CDK5RAP2: variants seen among roughly 807,000 people sequenced by gnomAD.
CDK5RAP2 encodes CDK5 regulatory subunit associated protein 2.
CDK5RAP2 carries 147 observed loss-of-function variants against 232.9 expected under a neutral mutation model. The ratio of observed to expected loss-of-function variants is 0.63; its 90% CI spans 0.55 to 0.72. CDK5RAP2 has a LOEUF of 0.72. Ranked by LOEUF, CDK5RAP2 falls within the 30% of genes least tolerant of loss-of-function variation. CDK5RAP2 has a pLI of 0.00. For synonymous variants in CDK5RAP2, 833 were observed against 833.7 expected (o/e 1.00, Z 0.01); for missense variants, 2,195 against 2,231.5 (o/e 0.98, Z 0.33).
chr9:120,444,400 C>T (rs1259892424), intron 22 of CDK5RAP2, among the ~76,000 whole-genome samples: 1 of 152,250 alleles, frequency 6.6e-6, no homozygotes, highest in Non-Finnish European at 1.5e-5. Context: ...TAACTGCCAC[C>T]TCCCCAAGCC....
chr9:120,499,168 G>T (rs1465614272), intron 12 of CDK5RAP2, among the ~76,000 whole-genome samples: 1 of 152,136 alleles, frequency 6.6e-6, no homozygotes, highest in Non-Finnish European at 1.5e-5. Context: ...ATGTGAAAAT[G>T]GTACTTTTTA....
chr9:120,482,193 T>G (rs566020918), intron 14 of CDK5RAP2, among the ~76,000 whole-genome samples: 12 of 152,324 alleles, frequency 7.9e-5, no homozygotes, highest in Non-Finnish European at 1.6e-4. Flanking sequence ...TATGGATTTC[T>G]GATGGATGGC....
At chr9:120,409,004 G>T in intron 30 of CDK5RAP2, 123 bp downstream of exon 30, 1 of 875,426 alleles carries the variant, frequency 1.1e-6, no homozygotes, top group Non-Finnish European at 1.9e-6. Context: ...CGTACAATGT[G>T]TTTGTGTCTA....
chr9:120,570,448 G>A (rs2042811872), intron 2 of CDK5RAP2, among the ~76,000 whole-genome samples: 1 of 152,192 alleles, frequency 6.6e-6, no homozygotes, highest in South Asian at 2.1e-4. Context: ...ATAAGGGTTT[G>A]TCTGTCTTCT....
intron 26 of CDK5RAP2, 36 bp from the exon 27 acceptor site, chr9:120,419,996 A>G: frequency 1.3e-6 from 2 of 1,559,902 alleles, no homozygotes; most frequent in South Asian, 1.1e-5. Context: ...ATCATCTCCC[A>G]TGCTAAAATC....
intron 4 of CDK5RAP2, 75 bp from the exon 5 acceptor site, chr9:120,545,865 G>A: frequency 8.6e-7 from 1 of 1,161,208 alleles, no homozygotes; most frequent in Non-Finnish European, 1.3e-6. Flanking sequence ...TGGGGAAACT[G>A]CTTCCAGCAC....
intron 3 of CDK5RAP2, among the ~76,000 whole-genome samples, chr9:120,557,881 TCAGCCTCCCGAG>T (rs1483211734): frequency 6.7e-6 from 1 of 149,350 alleles, no homozygotes; most frequent in African/African-American, 2.4e-5. Flanking sequence ...TCTCCCTGCT[TCAGCCTCCCGAG>T]CAGCTGGGAT....
rs764669378 is a variant in CDK5RAP2 at position 120,409,114 on chromosome 9, G to A, written c.4604+13C>T. The A allele has an allele frequency of 3.1e-6, 5 of 1,609,998 alleles. No homozygotes were observed. Among genetic ancestry groups the A allele is most frequent in the African/African-American group, 1.3e-5 (1 of 74,884 alleles). ...GTACGGCCAGCAGGCCACCAGGGAAGCACAGCCACTACCTGCTCAGCTCCT... is the reference window on the plus strand; with the variant it reads ...GTACGGCCAGCAGGCCACCAGGGAAACACAGCCACTACCTGCTCAGCTCCT... On this transcript the variant is annotated intron_variant, in intron 30 of 37. Transcript: ENST00000349780.
At chr9:120,409,424 G>A (rs777832770) in intron 29 of CDK5RAP2, 108 bp from the exon 30 acceptor site, 18 of 860,062 alleles carry the variant, frequency 2.1e-5, no homozygotes, top group Admixed American at 2.0e-4. Context: ...GATTCGATCT[G>A]GCATTTATGA....
intron 35 of CDK5RAP2, 110 bp downstream of exon 35, chr9:120,400,632 T>G: frequency 7.3e-7 from 1 of 1,367,026 alleles, no homozygotes; most frequent in Non-Finnish European, 1.0e-6. Flanking sequence ...CCCTAATACA[T>G]ACCCCAAATG....
Position 120,409,280 on chromosome 9 carries a change from A to G in CDK5RAP2, c.4451T>C (p.Leu1484Pro). Residue 1484 changes from leucine to proline, a missense_variant, in exon 30 of 38, where the codon CTC becomes CCC. Physicochemically the swap from Leu to Pro is moderately conservative, Grantham distance 98. Coordinates refer to ENST00000349780, the MANE Select transcript of CDK5RAP2 (RefSeq NM_018249.6). ...QKENDKLRES[L>P]SRKTVSLEHL... is the part of the protein sequence containing the mutation. Reference sequence around the variant, plus strand: ...CTCCAGGCTCACGGTCTTCCTGGAGAGGGACTCTCGTAATTTGTCATTCTC... The same window carrying G: ...CTCCAGGCTCACGGTCTTCCTGGAGGGGGACTCTCGTAATTTGTCATTCTC... 6.2e-7 allele frequency: 1 copy of G among 1,611,194 alleles called. No homozygotes were observed. Among genetic ancestry groups the G allele is most frequent in the Non-Finnish European group, 8.5e-7 (1 of 1,178,684 alleles).
intron 3 of CDK5RAP2, among the ~76,000 whole-genome samples, chr9:120,563,525 T>C (rs1219380267): frequency 6.6e-6 from 1 of 152,242 alleles, no homozygotes; most frequent in Non-Finnish European, 1.5e-5. Flanking sequence ...GTACCCTCTA[T>C]GCACCAAGCA....
intron 3 of CDK5RAP2, among the ~76,000 whole-genome samples, chr9:120,561,293 A>C (rs2042454366): frequency 1.3e-5 from 2 of 151,976 alleles, no homozygotes; most frequent in Admixed American, 1.3e-4. Context: ...ATAATACTGG[A>C]GAAATAACAG....
Position 120,573,548 on chromosome 9 carries a change from C to CA in CDK5RAP2, c.60-1508dup, listed in dbSNP as rs751907820. ...TGGGTGATAGAGTGAGACTCCATCTCAAAAAAAAAAAAAATTTAAAAAAAA... is the reference window on the plus strand; with the variant it reads ...TGGGTGATAGAGTGAGACTCCATCTCAAAAAAAAAAAAAAATTTAAAAAAAA... On this transcript the variant is annotated intron_variant, in intron 1 of 37. Coordinates refer to ENST00000349780, the MANE Select transcript of CDK5RAP2 (RefSeq NM_018249.6). Among the ~76,000 whole-genome samples, 425 of 91,602 alleles carry CA rather than the reference C, an allele frequency of 4.6e-3. 1 individual carries two copies. The highest frequency in any genetic ancestry group is 0.013 in the African/African-American group (310 of 23,830). The allele number at this position is 91,602 out of a possible 152,430, so 60.1% of individuals were successfully genotyped here.
At position 120,443,745 on chromosome 9, in the gene CDK5RAP2, A is replaced by C. The variant is rs2036029759; in HGVS notation, c.3026-3T>G. 3 of 1,613,998 alleles carry C rather than the reference A, an allele frequency of 1.9e-6. No homozygotes were observed. Among genetic ancestry groups the C allele is most frequent in the Non-Finnish European group, 2.5e-6 (3 of 1,180,014 alleles). ...GGCTGCTCCCACAGGGGGCTGAGCT[A>C]CAGGCAATCACAAAGAGAAAGAAAA... On this transcript the variant is annotated splice_polypyrimidine_tract_variant and splice_region_variant and intron_variant, in intron 22 of 37. Coordinates refer to ENST00000349780, the MANE Select transcript of CDK5RAP2 (RefSeq NM_018249.6).
intron 17 of CDK5RAP2, among the ~76,000 whole-genome samples, chr9:120,469,057 T>C (rs1199626530): frequency 6.6e-6 from 1 of 152,206 alleles, no homozygotes; most frequent in Non-Finnish European, 1.5e-5. Context: ...CAGTAGGCAC[T>C]AGCAGCAGCT....
intron 1 of CDK5RAP2, among the ~76,000 whole-genome samples, chr9:120,578,295 C>T (rs1251008100): frequency 6.6e-6 from 1 of 152,024 alleles, no homozygotes; most frequent in Non-Finnish European, 1.5e-5. Context: ...AAATAGTTTT[C>T]AAATTGTAGT....
At chr9:120,433,640 C>G (rs1358448732) in intron 25 of CDK5RAP2, among the ~76,000 whole-genome samples, 1 of 152,234 alleles carries the variant, frequency 6.6e-6, no homozygotes, top group Non-Finnish European at 1.5e-5. Context: ...TGCCTCAGTT[C>G]ATCATCTATA....
intron 12 of CDK5RAP2, among the ~76,000 whole-genome samples, chr9:120,500,857 G>T (rs1443196472): frequency 6.6e-6 from 1 of 152,148 alleles, no homozygotes; most frequent in Admixed American, 6.5e-5. Flanking sequence ...GCTGGCCGGT[G>T]ACTGCTCAGA....
Sources: gnomAD v4.1 joint callset for allele counts (sites outside exome capture counted in the v4.1 genomes callset) on GRCh38, gnomAD v4.1.1 for gene constraint, MANE v1.5 for transcripts, NCBI Gene and HGNC (gene_info 2026-07-23, HGNC 2026-07-21) for gene names.